The following SGMS1 variants were observed in gnomAD, a reference collection of about 807,000 sequenced individuals.
The protein encoded by SGMS1 is sphingomyelin synthase 1, also known as phosphatidylcholine:ceramide cholinephosphotransferase 1.
SGMS1 carries 13 observed loss-of-function variants against 46.2 expected under a neutral mutation model. The ratio of observed to expected loss-of-function variants is 0.28; its 90% CI spans 0.18 to 0.45. The LOEUF (loss-of-function observed/expected upper bound fraction) is 0.45, where lower values mean the gene tolerates loss of function less well. Among genes scored for constraint, SGMS1 ranks in the 20% least tolerant of loss-of-function variants. SGMS1 has a pLI of 1.00. For synonymous variants in SGMS1, 203 were observed against 187.8 expected, an observed-to-expected ratio of 1.08 and a Z score of -0.66; for missense variants, 324 against 519.9, an observed-to-expected ratio of 0.62 and a Z score of 3.66.
At chr10:50,548,641 T>C (rs549767593) in intron 2 of SGMS1, among the ~76,000 whole-genome samples, 8 of 152,252 alleles carry the variant, frequency 5.3e-5, no homozygotes, top group African/African-American at 1.9e-4. Context: ...ACTCAGGACA[T>C]AGGCCCAGGC....
intron 7 of SGMS1, chr10:50,336,217 G>C (rs74131284): frequency 0.18 from 27,653 of 152,270 alleles, 3,168 homozygotes; most frequent in African/African-American, 0.32. Flanking sequence ...AAGGGTCAGA[G>C]AAGGTCCCCA....
intron 9 of SGMS1, 87 bp from the exon 10 acceptor site, chr10:50,308,235 C>T (rs944424783): frequency 4.5e-5 from 54 of 1,186,976 alleles, no homozygotes; most frequent in Non-Finnish European, 5.6e-5. Context: ...CTTCTGAATC[C>T]AATTACCTTG....
chr10:50,324,106 G>A (rs1184089682), intron 8 of SGMS1, among the ~76,000 whole-genome samples: 1 of 152,084 alleles, frequency 6.6e-6, no homozygotes, highest in Non-Finnish European at 1.5e-5. Flanking sequence ...TCTGTATAGT[G>A]CGTTACACCC....
intron 1 of SGMS1, among the ~76,000 whole-genome samples, chr10:50,598,554 A>G (rs768106194): frequency 6.6e-6 from 1 of 152,220 alleles, no homozygotes; most frequent in Non-Finnish European, 1.5e-5. Flanking sequence ...GATATCTGAC[A>G]GTTGTGGAGA....
intron 1 of SGMS1, among the ~76,000 whole-genome samples, chr10:50,616,569 G>C (rs117590155): frequency 1.3e-5 from 2 of 152,156 alleles, no homozygotes; most frequent in Non-Finnish European, 2.9e-5. Flanking sequence ...CTCCCTAAGC[G>C]GCGGGGGGTG....
chr10:50,427,815 G>T lies in SGMS1; in HGVS notation c.-232+5661C>A, dbSNP rs150381097. 5.9e-5 allele frequency among the ~76,000 whole-genome samples: 9 copies of T among 152,240 alleles called. No homozygotes were observed. The East Asian group carries it at 1.7e-3, about 29-fold the overall frequency. ...CTCCAGAAATCCACACTTTGACATG[G>T]GATATGTTCTACAAACATTTATAGA... On this transcript the variant is annotated intron_variant, in intron 6 of 10. Coordinates refer to ENST00000361781, the MANE Select transcript of SGMS1 (RefSeq NM_147156.4).
intron 2 of SGMS1, among the ~76,000 whole-genome samples, chr10:50,564,750 G>A (rs989517610): frequency 6.6e-6 from 1 of 151,100 alleles, no homozygotes; most frequent in African/African-American, 2.5e-5. Flanking sequence ...CAGATAATCA[G>A]ATTATTTTTT....
chr10:50,599,379 A>C (rs1196207275), intron 1 of SGMS1, among the ~76,000 whole-genome samples: 1 of 152,134 alleles, frequency 6.6e-6, no homozygotes. Context: ...ACGTAGGAAC[A>C]GTTTCCCTGC....
intron 4 of SGMS1, among the ~76,000 whole-genome samples, chr10:50,463,839 C>G (rs1837297061): frequency 6.6e-6 from 1 of 152,100 alleles, no homozygotes; most frequent in African/African-American, 2.4e-5. Context: ...ATTATTCAAC[C>G]TTAAAAAGAA....
chr10:50,458,143 G>A (rs1361469991), intron 5 of SGMS1, among the ~76,000 whole-genome samples: 2 of 152,178 alleles, frequency 1.3e-5, no homozygotes, highest in African/African-American at 4.8e-5. Flanking sequence ...AGAAGCTTTC[G>A]CTTCTGTGAG....
chr10:50,531,529 C>T (rs1173165162), intron 2 of SGMS1, among the ~76,000 whole-genome samples: 2 of 152,074 alleles, frequency 1.3e-5, no homozygotes, highest in African/African-American at 4.8e-5. Flanking sequence ...AGTACTGAAC[C>T]AGAGGTAAGA....
intron 1 of SGMS1, among the ~76,000 whole-genome samples, chr10:50,601,121 G>C (rs977926153): frequency 3.9e-5 from 6 of 152,208 alleles, no homozygotes; most frequent in African/African-American, 1.4e-4. Flanking sequence ...AAAATGGGCA[G>C]CTGTAGCAGA....
Position 50,352,257 on chromosome 10 carries a change from A to G in SGMS1, c.-231-7912T>C, listed in dbSNP as rs142038340. Among the ~76,000 whole-genome samples, 1,307 of 152,224 alleles carry G rather than the reference A, an allele frequency of 8.6e-3. 16 individuals are homozygous for G. Among genetic ancestry groups the G allele is most frequent in the African/African-American group, 0.03 (1,262 of 41,514 alleles). ...CCAAGACCCCAGAGCCCAGCTATAC[A>G]GGGTGAGGTAAGAGTTACTCTTCCC... is the stretch of plus-strand genomic sequence containing the variant. On this transcript the variant is annotated intron_variant, in intron 6 of 10. Transcript: ENST00000361781.
intron 6 of SGMS1, among the ~76,000 whole-genome samples, chr10:50,405,603 A>G (rs764899443): frequency 3.9e-5 from 6 of 152,220 alleles, no homozygotes; most frequent in Non-Finnish European, 7.3e-5. Context: ...AATTCATGAA[A>G]AGCAGTAAAG....
At chr10:50,550,505 C>A (rs1838139199) in intron 2 of SGMS1, among the ~76,000 whole-genome samples, 1 of 152,178 alleles carries the variant, frequency 6.6e-6, no homozygotes. Flanking sequence ...TCAAGGCCAA[C>A]ACCTCTGGCT....
chr10:50,621,020 T>C (rs1342355360), intron 1 of SGMS1, among the ~76,000 whole-genome samples: 5 of 151,858 alleles, frequency 3.3e-5, no homozygotes, highest in Non-Finnish European at 7.4e-5. Context: ...CCTATCTCTA[T>C]AAAAAAGTAG....
intron 2 of SGMS1, among the ~76,000 whole-genome samples, chr10:50,578,459 AT>A (rs1413595993): frequency 6.6e-6 from 1 of 152,128 alleles, no homozygotes; most frequent in African/African-American, 2.4e-5. Flanking sequence ...TACAATTTTT[AT>A]TTTTTATCAC....
intron 5 of SGMS1, among the ~76,000 whole-genome samples, chr10:50,454,280 G>C (rs1226272550): frequency 2.6e-5 from 4 of 152,060 alleles, no homozygotes; most frequent in Non-Finnish European, 4.4e-5. Context: ...GGAGAGTAAA[G>C]TAAAGGCTTT....
chr10:50,622,097 T>TA (rs1838857220), intron 1 of SGMS1, among the ~76,000 whole-genome samples: 1 of 152,190 alleles, frequency 6.6e-6, no homozygotes, highest in Non-Finnish European at 1.5e-5. Flanking sequence ...GCTGCTTGCT[T>TA]GCTTGCTTGC....
Sources: allele counts gnomAD v4.1 joint callset (sites outside exome capture counted in the v4.1 genomes callset), GRCh38; gene constraint gnomAD v4.1.1; transcripts MANE v1.5; gene names NCBI Gene and HGNC (gene_info 2026-07-23, HGNC 2026-07-21).